The following ATG2A variants were observed in gnomAD, a reference collection of about 807,000 sequenced individuals.
ATG2A encodes autophagy related 2A.
Under a neutral mutation model 214.2 loss-of-function variants are expected in ATG2A, and 103 were observed. That is an observed-to-expected ratio of 0.48 (90% CI 0.41 to 0.57). The LOEUF is 0.57. ATG2A is among the 20% of genes least tolerant of loss of function. ATG2A has a pLI of 0.00. For missense variants in ATG2A, 2,312 were observed against 2,613.2 expected, an observed-to-expected ratio of 0.88 and a Z score of 2.51; for synonymous variants, 1,160 against 1,142.1, an observed-to-expected ratio of 1.02 and a Z score of -0.32.
intron 37 of ATG2A, 140 bp from the exon 38 acceptor site, chr11:64,897,009 C>T (rs922946503): frequency 6.0e-6 from 7 of 1,171,900 alleles, no homozygotes; most frequent in Non-Finnish European, 8.1e-6. Context: ...CAGTCATGTG[C>T]AGAGGGACTG....
In ATG2A at chr11:64,903,674, G is replaced by A. The variant is rs747557511; in HGVS notation, c.3465-14C>T. On this transcript the variant is annotated splice_polypyrimidine_tract_variant and intron_variant, in intron 24 of 40. Transcript: ENST00000377264. The surrounding 1 kb of genome is among the most constrained non-coding windows in gnomAD (Gnocchi z 4.2). ...TCGAGGATGAACCTGGGGGGGAACA[G>A]GGCTGAGAAGGGCCCGGGCACCGCT... is the stretch of plus-strand genomic sequence containing the variant. 1.9e-5 allele frequency: 30 copies of A among 1,547,072 alleles called. No individual in the cohort carries two copies. Among genetic ancestry groups the A allele is most frequent in the African/African-American group, 1.2e-4 (9 of 72,942 alleles).
chr11:64,907,334 G>A lies in ATG2A; in HGVS notation c.2753C>T (p.Pro918Leu). The change falls in exon 19 of 41, where the codon CCA (proline) becomes CTA (leucine). Residue 918 changes from proline (P) to leucine (L), a missense_variant. Transcript: ENST00000377264. ...GGPQAAAPEAPSLHLQSTFST... is the reference protein window; with the variant it reads ...GGPQAAAPEALSLHLQSTFST... ...GAAGGTGCTCTGCAAGTGAAGACTT[G>A]GGGCCTCAGGGGCAGCGGCCTGTGG... 4.5e-6 allele frequency: 7 copies of A among 1,553,444 alleles called. No homozygotes were observed. Among genetic ancestry groups the A allele is most frequent in the Non-Finnish European group, 6.1e-6 (7 of 1,148,432 alleles).
Position 64,906,433 on chromosome 11 carries a change from C to A in ATG2A, c.3084G>T (p.Val1028=). Residue 1028 remains valine, a synonymous_variant, in exon 21 of 41, where the codon GTG becomes GTT. Transcript: ENST00000377264. ...APTIYPSEEG[V]TERGASGRKG... The stretch of plus-strand genomic sequence containing the variant: ...TGCGGCCCGAGGCTCCCCGCTCGGT[C>A]ACCCCTTCCTCCGATGGGTAGATGG... The A allele has an allele frequency of 6.2e-7, 1 of 1,613,244 alleles. No individual in the cohort carries two copies. The highest frequency in any genetic ancestry group is 8.5e-7 in the Non-Finnish European group (1 of 1,180,002).
intron 12 of ATG2A, 143 bp from the exon 13 acceptor site, chr11:64,910,338 G>A (rs554260643): frequency 9.5e-5 from 122 of 1,279,250 alleles, no homozygotes; most frequent in South Asian, 6.1e-4. Context: ...TGCCCGACGC[G>A]CACAATGTGC....
At chr11:64,912,480 G>C (rs1944813782) in intron 6 of ATG2A, 57 bp from the exon 7 acceptor site, 11 of 1,415,330 alleles carry the variant, frequency 7.8e-6, no homozygotes, top group Non-Finnish European at 1.0e-5. Flanking sequence ...TCCTCTAAGA[G>C]CTACCACCCG....
Position 64,895,931 on chromosome 11 carries a change from C to T in ATG2A, c.5428-489G>A, listed in dbSNP as rs1157669663. 6.6e-6 allele frequency among the ~76,000 whole-genome samples: 1 copy of T among 152,204 alleles called. No individual in the cohort carries two copies. Among genetic ancestry groups the T allele is most frequent in the South Asian group, 2.1e-4 (1 of 4,832 alleles). On this transcript the variant is annotated intron_variant, in intron 39 of 40. Coordinates refer to ENST00000377264, the MANE Select transcript of ATG2A (RefSeq NM_015104.3). This position sits in a 1 kb window ranked among gnomAD's most constrained non-coding sequence, Gnocchi z 5.0. ...TGGTGCCCATGCATCCCTCCCACCT[C>T]CCCTGGAGCCCTGCCCTCTGTCCTG... is the stretch of plus-strand genomic sequence containing the variant.
Position 64,901,002 on chromosome 11 carries a change from C to A in ATG2A, c.4210G>T (p.Asp1404Tyr). The change falls in exon 30 of 41, where the codon GAC (aspartate) becomes TAC (tyrosine). Residue 1404 changes from aspartate (D) to tyrosine (Y), a missense_variant. Physicochemically the swap from Asp to Tyr is radical, Grantham distance 160. Transcript: ENST00000377264. ...AAATGGGCAGGTGCCCGCAGCAAGT[C>A]CGTGCTGCCGATCGGCCGTGAGAAG... ...GYFSRPIGST[D>Y]LLRAPAHFPV... The A allele has an allele frequency of 6.3e-7, 1 of 1,590,088 alleles. No homozygotes were observed. The highest frequency in any genetic ancestry group is 8.6e-7 in the Non-Finnish European group (1 of 1,168,456).
chr11:64,912,571 A>C, intron 6 of ATG2A, 148 bp from the exon 7 acceptor site: 2 of 633,616 alleles, frequency 3.2e-6, no homozygotes, highest in South Asian at 2.1e-5. Context: ...CCAGGCCACA[A>C]CTTGACCTCT....
At position 64,903,366 on chromosome 11, in the gene ATG2A, T is replaced by G; in HGVS notation, c.3536-2A>C. The G allele has an allele frequency of 6.2e-7, 1 of 1,614,066 alleles. No individual in the cohort carries two copies. The highest frequency in any genetic ancestry group is 8.5e-7 in the Non-Finnish European group (1 of 1,179,984). On this transcript the variant is annotated splice_acceptor_variant, in intron 25 of 40. Transcript: ENST00000377264. LOFTEE classifies it high-confidence loss of function. This position sits in a 1 kb window ranked among gnomAD's most constrained non-coding sequence, Gnocchi z 4.2. ...CAACATCCAAAACACAGACATAATC[T>G]GCAGCAGAGGCGAGAGAAAGGTCCT... is the stretch of plus-strand genomic sequence containing the variant.
rs895087387 is a variant in ATG2A at position 64,903,782 on chromosome 11, G to A, written c.3465-122C>T. 41 of 912,406 alleles carry A rather than the reference G, an allele frequency of 4.5e-5. No individual in the cohort carries two copies. The highest frequency in any genetic ancestry group is 3.4e-4 in the Middle Eastern group (1 of 2,912). 56.5% of individuals were successfully genotyped at this position (912,406 alleles called of 1,614,324 possible). ...ATGGACAGGCCCCTCCAGCCTCAGCGTTCCTGCCTGCACAATGGGGAGAAG... is the reference window on the plus strand; with the variant it reads ...ATGGACAGGCCCCTCCAGCCTCAGCATTCCTGCCTGCACAATGGGGAGAAG... On this transcript the variant is annotated intron_variant, in intron 24 of 40. Coordinates refer to ENST00000377264, the MANE Select transcript of ATG2A (RefSeq NM_015104.3). The surrounding 1 kb of genome is among the most constrained non-coding windows in gnomAD (Gnocchi z 4.2).
In ATG2A at chr11:64,907,676, G is replaced by A. The variant is rs143623527; in HGVS notation, c.2508-12C>T. 0.017 allele frequency: 26,515 copies of A among 1,596,642 alleles called. 441 individuals are homozygous for A. Among genetic ancestry groups the A allele is most frequent in the Admixed American group, 0.089 (5,114 of 57,740 alleles). On this transcript the variant is annotated splice_polypyrimidine_tract_variant and intron_variant, in intron 17 of 40. Coordinates refer to ENST00000377264, the MANE Select transcript of ATG2A (RefSeq NM_015104.3). ...GGTCGTTGTTGATCCTGAGATAGGC[G>A]GGTGGACAGCAGGTAAGGGAGGCCA...
At position 64,897,883 on chromosome 11, in the gene ATG2A, A is replaced by G. The variant is rs763980268; in HGVS notation, c.4950T>C (p.Gly1650=). 2 of 1,580,188 alleles carry G rather than the reference A, an allele frequency of 1.3e-6. No homozygotes were observed. Among genetic ancestry groups the G allele is most frequent in the Non-Finnish European group, 1.7e-6 (2 of 1,162,164 alleles). Residue 1650 remains glycine, a synonymous_variant, in exon 35 of 41, where the codon GGT becomes GGC. Coordinates refer to ENST00000377264, the MANE Select transcript of ATG2A (RefSeq NM_015104.3). ...GGTCAGGAGGGGAGGGGCTGTGTCC[A>G]CCTCCTGGGGCCTCCTGCGAACCAG... is the stretch of plus-strand genomic sequence containing the variant. ...ETTGSQEAPG[G]GHSPSPPDQQ...
chr11:64,913,346 C>G lies in ATG2A; in HGVS notation c.646G>C (p.Val216Leu). 2 of 1,603,476 alleles carry G rather than the reference C, an allele frequency of 1.2e-6. No homozygotes were observed. The highest frequency in any genetic ancestry group is 1.1e-5 in the South Asian group (1 of 89,610). ...RDPSQAPPVD[V>L]HQPPAFLHKL... is the part of the protein sequence containing the mutation. ...TGCAGGAAGGCAGGCGGCTGATGCA[C>G]GTCCACCGGCGGCGCCTGGCTTGGG... Residue 216 changes from valine (V) to leucine (L), a missense_variant, in exon 5 of 41, where the codon GTG becomes CTG. Transcript: ENST00000377264. The surrounding 1 kb of genome is among the most constrained non-coding windows in gnomAD (Gnocchi z 4.3).
intron 24 of ATG2A, 127 bp downstream of exon 24, chr11:64,905,436 C>T: frequency 9.3e-7 from 1 of 1,077,012 alleles, no homozygotes; most frequent in Non-Finnish European, 1.4e-6. Flanking sequence ...GGAAACAATC[C>T]ACATTCCTGA....
Position 64,911,130 on chromosome 11 carries a change from C to G in ATG2A, c.1374G>C (p.Glu458Asp), listed in dbSNP as rs764748709. 2 of 1,614,140 alleles carry G rather than the reference C, an allele frequency of 1.2e-6. No homozygotes were observed. The highest frequency in any genetic ancestry group is 3.3e-5 in the Admixed American group (2 of 60,028). Reference sequence around the variant, plus strand: ...AGGGCCCATCCTTGGTGGCATCAAACTCGGTGAAAAAGTGCGTGGCGAGGT... The same window carrying G: ...AGGGCCCATCCTTGGTGGCATCAAAGTCGGTGAAAAAGTGCGTGGCGAGGT... ...PPDLATHFFT[E>D]FDATKDGPFG... Residue 458 changes from glutamate to aspartate, a missense_variant, in exon 10 of 41, where the codon GAG becomes GAC. Transcript: ENST00000377264.
chr11:64,914,618 G>A (rs1026380037), intron 1 of ATG2A, 118 bp from the exon 2 acceptor site: 33 of 1,310,798 alleles, frequency 2.5e-5, no homozygotes, highest in South Asian at 7.0e-5. Flanking sequence ...GTCCCTCCAC[G>A]TGTTATCTAC....
chr11:64,906,253 T>A, intron 21 of ATG2A, 60 bp from the exon 22 acceptor site: 1 of 1,604,246 alleles, frequency 6.2e-7, no homozygotes, highest in Non-Finnish European at 8.5e-7. Flanking sequence ...CACTGGGGCC[T>A]CACCGCGCAC....
In ATG2A at chr11:64,913,888, C is replaced by T. The variant is rs12293826; in HGVS notation, c.523G>A (p.Val175Ile). 9.3e-3 allele frequency: 15,072 copies of T among 1,614,028 alleles called. 1,073 individuals carry two copies. The African/African-American group carries it at 0.17, about 18-fold the overall frequency. The change falls in exon 4 of 41, where the codon GTC becomes ATC. Residue 175 changes from valine (V) to isoleucine (I), a missense_variant. Physicochemically the swap from Val to Ile is conservative, Grantham distance 29. Transcript: ENST00000377264. The surrounding 1 kb of genome is among the most constrained non-coding windows in gnomAD (Gnocchi z 4.3). ...CCCGGAGAGTGCTCCACCCTCACGA[C>T]AGTGTCCAGGAAGGTCACTTTGATC... ...RRIKVTFLDT[V>I]VRVEHSPGDG... is the part of the protein sequence containing the mutation.
At chr11:64,900,320 C>T (rs1223900796) in intron 31 of ATG2A, among the ~76,000 whole-genome samples, 174 bp downstream of exon 31, 1 of 152,124 alleles carries the variant, frequency 6.6e-6, no homozygotes, top group Non-Finnish European at 1.5e-5. Context: ...CAGACTCTCC[C>T]CTGAGCGCTC....
Sources: allele counts gnomAD v4.1 joint callset (sites outside exome capture counted in the v4.1 genomes callset), GRCh38; gene constraint gnomAD v4.1.1; non-coding constraint Gnocchi (gnomAD v3.1); transcripts MANE v1.5; gene names NCBI Gene and HGNC (gene_info 2026-07-23, HGNC 2026-07-21).